The following GALNT18 variants were observed in gnomAD, a reference collection of about 807,000 sequenced individuals.
The protein encoded by GALNT18 is polypeptide N-acetylgalactosaminyltransferase 18, also known as GalNAc-transferase 18.
A neutral mutation model predicts 69.5 loss-of-function variants in GALNT18; 44 were observed. The observed-to-expected ratio is 0.63, with a 90% CI of 0.50 to 0.81. GALNT18 has a LOEUF of 0.81. Among genes scored for constraint, GALNT18 ranks in the 40% least tolerant of loss-of-function variants. GALNT18 has a pLI of 0.00. For synonymous variants in GALNT18, 364 were observed against 318.2 expected, an observed-to-expected ratio of 1.14 and a Z score of -1.53; for missense variants, 715 against 810.0, an observed-to-expected ratio of 0.88 and a Z score of 1.42.
rs1338328102 is a variant in GALNT18 at position 11,463,928 on chromosome 11, A to G, written c.236-14992T>C. Reference sequence around the variant, plus strand: ...GCTCATGATTTTGAAAGGGGGAAAAATTAGTCCTTTCCATCTGGCAAATTC... The same window carrying G: ...GCTCATGATTTTGAAAGGGGGAAAAGTTAGTCCTTTCCATCTGGCAAATTC... On this transcript the variant is annotated intron_variant, in intron 1 of 10. Coordinates refer to ENST00000227756, the MANE Select transcript of GALNT18 (RefSeq NM_198516.3). The surrounding 1 kb of genome is among the most constrained non-coding windows in gnomAD (Gnocchi z 4.2). Among the ~76,000 whole-genome samples the G allele has an allele frequency of 6.6e-6, 1 of 152,204 alleles. No individual in the cohort carries two copies. The highest frequency in any genetic ancestry group is 1.5e-5 in the Non-Finnish European group (1 of 68,038).
intron 1 of GALNT18, among the ~76,000 whole-genome samples, chr11:11,521,885 G>A (rs1311583190): frequency 1.3e-5 from 2 of 152,318 alleles, no homozygotes; most frequent in African/African-American, 4.8e-5. Flanking sequence ...TGTTCCTGCA[G>A]TAATGTTGGC....
chr11:11,361,937 G>A (rs1159378554), intron 6 of GALNT18, among the ~76,000 whole-genome samples: 1 of 152,060 alleles, frequency 6.6e-6, no homozygotes, highest in Non-Finnish European at 1.5e-5. Flanking sequence ...CAAACATAAA[G>A]CCTATAAAAA....
chr11:11,281,404 G>T (rs1849072176), intron 10 of GALNT18, among the ~76,000 whole-genome samples: 1 of 152,176 alleles, frequency 6.6e-6, no homozygotes, highest in African/African-American at 2.4e-5. Flanking sequence ...GGAGGATCAG[G>T]GTGGGGGCTG....
At chr11:11,369,797 G>A (rs1302685533) in intron 6 of GALNT18, among the ~76,000 whole-genome samples, 4 of 150,436 alleles carry the variant, frequency 2.7e-5, no homozygotes, top group Admixed American at 6.6e-5. Context: ...TTGTGTTGCC[G>A]ACTTACAAAT....
At chr11:11,574,047 A>G (rs1160281908) in intron 1 of GALNT18, among the ~76,000 whole-genome samples, 2 of 152,314 alleles carry the variant, frequency 1.3e-5, no homozygotes, top group African/African-American at 4.8e-5. Context: ...ATGACACTGT[A>G]GCATCTTTCA....
At position 11,432,819 on chromosome 11, in the gene GALNT18, G is replaced by A. The variant is rs1362029999; in HGVS notation, c.429-32C>T. The A allele has an allele frequency of 2.5e-6, 4 of 1,602,936 alleles. No individual in the cohort carries two copies. Among genetic ancestry groups the A allele is most frequent in the Non-Finnish European group, 3.4e-6 (4 of 1,172,312 alleles). ...AGAACAGCCAAGCGCTTAGATTTGT[G>A]ACTCAGCTGGAGTCATCTCAGGAGC... On this transcript the variant is annotated intron_variant, in intron 2 of 10. Transcript: ENST00000227756. The surrounding 1 kb of genome is among the most constrained non-coding windows in gnomAD (Gnocchi z 5.8).
chr11:11,439,093 C>T lies in GALNT18; in HGVS notation c.429-6306G>A, dbSNP rs1201057897. On this transcript the variant is annotated intron_variant, in intron 2 of 10. Transcript: ENST00000227756. This position sits in a 1 kb window ranked among gnomAD's most constrained non-coding sequence, Gnocchi z 4.4. ...TGGATCTAGTAATTTTAAAGAATGA[C>T]CAGTGGCCCTGTCCAGCCACTGGAC... Among the ~76,000 whole-genome samples, 1 of 152,166 alleles carries T rather than the reference C, an allele frequency of 6.6e-6. No individual in the cohort carries two copies. The highest frequency in any genetic ancestry group is 2.4e-5 in the African/African-American group (1 of 41,430).
intron 1 of GALNT18, among the ~76,000 whole-genome samples, chr11:11,507,465 C>A (rs1857087805): frequency 6.6e-6 from 1 of 152,066 alleles, no homozygotes; most frequent in South Asian, 2.1e-4. Context: ...TCTTTCTTTT[C>A]CTCCTACTCT....
intron 1 of GALNT18, among the ~76,000 whole-genome samples, chr11:11,548,876 T>G (rs568427253): frequency 6.6e-6 from 1 of 152,058 alleles, no homozygotes; most frequent in Non-Finnish European, 1.5e-5. Flanking sequence ...TGGTGAACAA[T>G]AGATGCTTCA....
In GALNT18 at chr11:11,461,780, G is replaced by C. The variant is rs1296095619; in HGVS notation, c.236-12844C>G. Reference sequence around the variant, plus strand: ...CTGGGCTAGACAGGGAGAAAGCAGTGTGGCCCTTGCCAGTAGGACAGCCTG... The same window carrying C: ...CTGGGCTAGACAGGGAGAAAGCAGTCTGGCCCTTGCCAGTAGGACAGCCTG... On this transcript the variant is annotated intron_variant, in intron 1 of 10. Transcript: ENST00000227756. The surrounding 1 kb of genome is among the most constrained non-coding windows in gnomAD (Gnocchi z 4.1). Among the ~76,000 whole-genome samples the C allele has an allele frequency of 3.9e-5, 6 of 152,218 alleles. No homozygotes were observed. The highest frequency in any genetic ancestry group is 1.2e-4 in the African/African-American group (5 of 41,458).
chr11:11,611,483 C>T (rs1590139074), intron 1 of GALNT18, among the ~76,000 whole-genome samples: 1 of 152,106 alleles, frequency 6.6e-6, no homozygotes, highest in Non-Finnish European at 1.5e-5. Context: ...GGATGCGGCA[C>T]CATCAGAAAG....
In GALNT18 at chr11:11,315,038, ATGTGTGTG is replaced by A. The variant is rs10537962; in HGVS notation, c.1512+12040_1512+12047del. 1.1e-4 allele frequency among the ~76,000 whole-genome samples: 16 copies of A among 150,202 alleles called. No individual in the cohort carries two copies. Among genetic ancestry groups the A allele is most frequent in the East Asian group, 5.9e-4 (3 of 5,076 alleles). On this transcript the variant is annotated intron_variant, in intron 9 of 10. Coordinates refer to ENST00000227756, the MANE Select transcript of GALNT18 (RefSeq NM_198516.3). This position sits in a 1 kb window ranked among gnomAD's most constrained non-coding sequence, Gnocchi z 5.6. The stretch of plus-strand genomic sequence containing the variant: ...GCAGAGATGGACACATACTAATTAT[ATGTGTGTG>A]TGTGTGTGTGTGTGTGTATGTGTGT...
In GALNT18 at chr11:11,569,247, G is replaced by GAAAA. The variant is rs11426572; in HGVS notation, c.235+52108_235+52111dup. On this transcript the variant is annotated intron_variant, in intron 1 of 10. Coordinates refer to ENST00000227756, the MANE Select transcript of GALNT18 (RefSeq NM_198516.3). ...TTATTAGATTTTGGAAGGCTGAAGGGAAAAAAAAAAAAAAAAGCAGTTCAG... is the reference window on the plus strand; with the variant it reads ...TTATTAGATTTTGGAAGGCTGAAGGGAAAAAAAAAAAAAAAAAAAAGCAGTTCAG... Among the ~76,000 whole-genome samples the GAAAA allele has an allele frequency of 4.3e-3, 590 of 136,126 alleles. 3 individuals are homozygous for GAAAA. The highest frequency in any genetic ancestry group is 0.017 in the East Asian group (79 of 4,642). 89.3% of individuals were successfully genotyped at this position (136,126 alleles called of 152,430 possible). A position where few individuals can be genotyped will look rare whatever the true frequency, so the allele number is the denominator to read the frequency against.
At chr11:11,367,594 TG>T (rs1345957936) in intron 6 of GALNT18, among the ~76,000 whole-genome samples, 1 of 152,134 alleles carries the variant, frequency 6.6e-6, no homozygotes, top group African/African-American at 2.4e-5. Context: ...GACACCACGG[TG>T]GGGCACTGGC....
At chr11:11,442,222 C>G (rs1393983838) in intron 2 of GALNT18, among the ~76,000 whole-genome samples, 1 of 152,202 alleles carries the variant, frequency 6.6e-6, no homozygotes, top group East Asian at 1.9e-4. Context: ...GTCTTTCTCA[C>G]ATTGTCATCT....
intron 4 of GALNT18, among the ~76,000 whole-genome samples, 157 bp downstream of exon 4, chr11:11,378,924 T>C (rs78354934): frequency 0.029 from 4,470 of 152,266 alleles, 165 homozygotes; most frequent in East Asian, 0.18. Context: ...AGGTCCAGCC[T>C]TGTTGCCTGG....
chr11:11,376,754 C>T (rs1374660399), intron 5 of GALNT18, among the ~76,000 whole-genome samples: 1 of 152,142 alleles, frequency 6.6e-6, no homozygotes, highest in Non-Finnish European at 1.5e-5. Flanking sequence ...CTTCTACTCG[C>T]CTTCAAAAAC....
Position 11,595,291 on chromosome 11 carries a change from T to C in GALNT18, c.235+26068A>G, listed in dbSNP as rs1859472283. On this transcript the variant is annotated intron_variant, in intron 1 of 10. Transcript: ENST00000227756. The surrounding 1 kb of genome is among the most constrained non-coding windows in gnomAD (Gnocchi z 5.2). ...CTCATGAATGGAATTAGAGCCTTTT[T>C]ATAAAGAGGGCTCAGGGAGCTAGTT... Among the ~76,000 whole-genome samples, 1 of 152,070 alleles carries C rather than the reference T, an allele frequency of 6.6e-6. No individual in the cohort carries two copies. The highest frequency in any genetic ancestry group is 1.5e-5 in the Non-Finnish European group (1 of 68,014).
intron 3 of GALNT18, among the ~76,000 whole-genome samples, chr11:11,414,069 C>A (rs1379379542): frequency 6.6e-6 from 1 of 152,138 alleles, no homozygotes; most frequent in Admixed American, 6.5e-5. Flanking sequence ...TCCTTCATCC[C>A]CTACATTCAT....
Sources: allele counts gnomAD v4.1 joint callset (sites outside exome capture counted in the v4.1 genomes callset), GRCh38; gene constraint gnomAD v4.1.1; non-coding constraint Gnocchi (gnomAD v3.1); transcripts MANE v1.5; gene names NCBI Gene and HGNC (gene_info 2026-07-23, HGNC 2026-07-21).